Variants in GK observed in about 807,000 individuals in gnomAD.
GK encodes glycerol kinase, also known as ATP:glycerol 3-phosphotransferase.
Under a neutral mutation model 56.4 loss-of-function variants are expected in GK, and 9 were observed. That is an observed-to-expected ratio of 0.16 (90% confidence interval 0.10 to 0.28). The LOEUF (loss-of-function observed/expected upper bound fraction) is 0.28, where lower values mean the gene tolerates loss of function less well. GK is among the 10% of genes least tolerant of loss of function. The probability of loss-of-function intolerance (pLI) is 1.00; values close to 1 mark genes in which losing one functional copy is unlikely to be tolerated. For synonymous variants in GK, 104 were observed against 144.1 expected (o/e 0.72, Z 1.99); for missense variants, 161 against 431.4 (o/e 0.37, Z 5.55).
intron 3 of GK, among the ~76,000 whole-genome samples, chrX:30,673,617 T>G (rs1933687980): frequency 1.8e-5 from 2 of 111,501 alleles, no homozygotes; most frequent in African/African-American, 6.5e-5. Context: ...TTCACTGGAC[T>G]TTGCCTGCAA....
intron 4 of GK, among the ~76,000 whole-genome samples, chrX:30,685,205 C>T (rs1337365788): frequency 2.7e-5 from 3 of 110,069 alleles, no homozygotes; most frequent in African/African-American, 9.9e-5. Flanking sequence ...GATCTCGGCT[C>T]ACCGCAAGCT....
intron 1 of GK, among the ~76,000 whole-genome samples, chrX:30,664,702 CTTTTTTTTTTTTT>C (rs35313243): frequency 1.7e-5 from 1 of 57,675 alleles, no homozygotes; most frequent in Admixed American, 2.6e-4. Context: ...ACTCTATTGC[CTTTTTTTTTTTTT>C]TTTTTTTTTG....
intron 5 of GK, 38 bp downstream of exon 5, chrX:30,691,237 CT>C (rs750168098): frequency 2.5e-6 from 2 of 801,215 alleles, no homozygotes; most frequent in Admixed American, 2.4e-5. Flanking sequence ...AAGAATGTTT[CT>C]TTTTTTAAAA....
At chrX:30,727,403 G>T (rs1034963593) in intron 19 of GK, 63 bp from the exon 20 acceptor site, 64 of 637,686 alleles carry the variant, frequency 1.0e-4, no homozygotes, top group Non-Finnish European at 1.5e-4. Flanking sequence ...CACAAATATT[G>T]TAATTATGTG....
chrX:30,691,250 A>G, intron 5 of GK, 51 bp downstream of exon 5: 1 of 707,005 alleles, frequency 1.4e-6, no homozygotes, highest in Non-Finnish European at 2.2e-6. Context: ...TTTTTAAAAA[A>G]AGTTTGCAGA....
chrX:30,697,406 C>T (rs1231546992), intron 8 of GK, among the ~76,000 whole-genome samples: 1 of 111,890 alleles, frequency 8.9e-6, no homozygotes, highest in Non-Finnish European at 1.9e-5. Flanking sequence ...AGAAACTTCA[C>T]TTACAAAGTT....
chrX:30,694,988 A>C (rs1269904662), intron 6 of GK: 1 of 258,899 alleles, frequency 3.9e-6, no homozygotes, highest in African/African-American at 2.9e-5. Context: ...GGAAATTTCT[A>C]TTTAGAATCT....
intron 19 of GK, among the ~76,000 whole-genome samples, chrX:30,726,509 A>T (rs1298689141): frequency 9.1e-6 from 1 of 110,026 alleles, no homozygotes; most frequent in Non-Finnish European, 1.9e-5. Flanking sequence ...CTGGTCTCGA[A>T]CTCCCAACCT....
At chrX:30,691,267 T>C in intron 5 of GK, 68 bp downstream of exon 5, 1 of 589,848 alleles carries the variant, frequency 1.7e-6, no homozygotes, top group Non-Finnish European at 2.9e-6. Context: ...CAGATTTCAC[T>C]AGAAAGAAGC....
chrX:30,680,050 G>A (rs1934194158), intron 4 of GK, among the ~76,000 whole-genome samples: 2 of 111,733 alleles, frequency 1.8e-5, no homozygotes, highest in South Asian at 7.4e-4. Context: ...ATTGGATTGC[G>A]TTAGGAAAAG....
At chrX:30,664,287 G>A (rs1196098285) in intron 1 of GK, among the ~76,000 whole-genome samples, 1 of 102,675 alleles carries the variant, frequency 9.7e-6, no homozygotes, top group Non-Finnish European at 2.0e-5. Context: ...TCCGCCTCCT[G>A]GGTTCCGGTT....
At chrX:30,676,279 C>T (rs73452127) in intron 3 of GK, among the ~76,000 whole-genome samples, 2,299 of 111,702 alleles carry the variant, frequency 0.021, 49 homozygotes, top group African/African-American at 0.07. Flanking sequence ...CTACATTTTC[C>T]AGTCTGGTGG....
Position 30,653,589 on chromosome X carries a change from C to T in GK, c.52C>T (p.Gln18Ter), listed in dbSNP as rs764221582. 1 of 1,210,545 alleles carries T rather than the reference C, an allele frequency of 8.3e-7. No homozygotes were observed. Residue 18 changes from glutamine to a stop codon, truncating the protein, a stop_gained, in exon 1 of 21, where the codon CAG (glutamine) becomes TAG (stop). Coordinates refer to ENST00000427190, the MANE Select transcript of GK (RefSeq NM_001205019.2). LOFTEE classifies it high-confidence loss of function. Reference protein sequence around the residue: ...VLGPLVGAVDQGTSSTRFLVF... With the variant: ...VLGPLVGAVD ...GGGGCCATTGGTGGGGGCGGTGGAC[C>T]AGGGCACCAGTTCGACGCGCTTTTT...
intron 19 of GK, among the ~76,000 whole-genome samples, chrX:30,724,968 C>A (rs1200657739): frequency 9.1e-6 from 1 of 109,950 alleles, no homozygotes; most frequent in Non-Finnish European, 1.9e-5. Context: ...GCAACCTCCG[C>A]CTCCTGGGTT....
At chrX:30,672,085 G>A (rs1269165348) in intron 3 of GK, 1 of 95,976 alleles carries the variant, frequency 1.0e-5, no homozygotes, top group Non-Finnish European at 2.0e-5. Flanking sequence ...AGAGGTAGCA[G>A]TGAGCCAAGA....
At chrX:30,704,809 A>T (rs948673248) in intron 11 of GK, among the ~76,000 whole-genome samples, 2 of 110,978 alleles carry the variant, frequency 1.8e-5, no homozygotes, top group Non-Finnish European at 3.8e-5. Flanking sequence ...TGACCTCATG[A>T]TCTGCCCACC....
intron 13 of GK, among the ~76,000 whole-genome samples, chrX:30,711,127 CTT>C (rs67617418): frequency 1.0e-5 from 1 of 97,251 alleles, no homozygotes. Context: ...TTTTCTTCTT[CTT>C]TTTTTTTTTG....
intron 11 of GK, among the ~76,000 whole-genome samples, chrX:30,706,860 CTG>C (rs1210035456): frequency 1.8e-5 from 2 of 111,701 alleles, no homozygotes; most frequent in African/African-American, 6.5e-5. Context: ...CATTTTATGA[CTG>C]TATTAATGAT....
chrX:30,693,621 T>C (rs184026590), intron 5 of GK, among the ~76,000 whole-genome samples: 12 of 111,772 alleles, frequency 1.1e-4, no homozygotes, highest in African/African-American at 3.9e-4. Context: ...CAATCTCAGC[T>C]CACTGCAACC....
Sources: gnomAD v4.1 joint callset for allele counts (sites outside exome capture counted in the v4.1 genomes callset) on GRCh38, gnomAD v4.1.1 for gene constraint, MANE v1.5 for transcripts, NCBI Gene and HGNC (gene_info 2026-07-23, HGNC 2026-07-21) for gene names.